SLC24A2: variants seen among roughly 807,000 people sequenced by gnomAD.
SLC24A2 encodes the protein sodium/potassium/calcium exchanger 2.
SLC24A2 carries 36 observed loss-of-function variants against 62.0 expected under a neutral mutation model. The observed-to-expected ratio is 0.58, with a 90% CI of 0.44 to 0.77. SLC24A2 has a LOEUF of 0.77. Among genes scored for constraint, SLC24A2 ranks in the 30% least tolerant of loss-of-function variants. SLC24A2 has a pLI of 0.00. For synonymous variants in SLC24A2, 358 were observed against 294.0 expected, an observed-to-expected ratio of 1.22 and a Z score of -2.23; for missense variants, 846 against 817.9, an observed-to-expected ratio of 1.03 and a Z score of -0.42.
chr9:19,807,060 A>G, the SLC24A2 span, among the ~76,000 whole-genome samples: 1 of 152,232 alleles, frequency 6.6e-6, no homozygotes, highest in Non-Finnish European at 1.5e-5. Context: ...GAGAAATGCT[A>G]ATTTTACACT....
the SLC24A2 span, among the ~76,000 whole-genome samples, chr9:20,049,270 ACT>A: frequency 6.6e-6 from 1 of 152,116 alleles, no homozygotes; most frequent in South Asian, 2.1e-4. Flanking sequence ...TCCATCAATG[ACT>A]CTATGTTTGA....
chr9:19,713,598 C>T (rs1037773599), intron 2 of SLC24A2, among the ~76,000 whole-genome samples: 1 of 136,796 alleles, frequency 7.3e-6, no homozygotes, highest in African/African-American at 2.4e-5. Context: ...AGCAAAAGAC[C>T]TTTTGATAAT....
At chr9:19,879,898 A>G in the SLC24A2 span, among the ~76,000 whole-genome samples, 3 of 152,278 alleles carry the variant, frequency 2.0e-5, no homozygotes, top group Admixed American at 2.0e-4. Context: ...TCATTTTTAA[A>G]TATAAAAATG....
chr9:19,974,773 T>G, the SLC24A2 span, among the ~76,000 whole-genome samples: 2 of 152,330 alleles, frequency 1.3e-5, no homozygotes, highest in South Asian at 4.1e-4. Flanking sequence ...ACAGAGTTAT[T>G]TAAGCACTAA....
chr9:20,240,380 T>C, the SLC24A2 span, among the ~76,000 whole-genome samples: 8 of 151,594 alleles, frequency 5.3e-5, no homozygotes, highest in African/African-American at 1.9e-4. Flanking sequence ...AAGTGCTGAG[T>C]GTTGGAGGAA....
chr9:19,555,683 A>T (rs1586950846), intron 7 of SLC24A2, among the ~76,000 whole-genome samples: 1 of 152,174 alleles, frequency 6.6e-6, no homozygotes. Flanking sequence ...GGTGGCTCAC[A>T]CCTGTAATCC....
intron 2 of SLC24A2, among the ~76,000 whole-genome samples, chr9:19,756,960 C>CAGT (rs1486866858): frequency 4.7e-5 from 6 of 126,954 alleles, no homozygotes; most frequent in African/African-American, 1.8e-4. Flanking sequence ...GCCCAGGCTG[C>CAGT]AGTAAGTGGC....
chr9:19,679,838 CTGTG>C (rs58253967), intron 2 of SLC24A2, among the ~76,000 whole-genome samples: 2,769 of 142,432 alleles, frequency 0.019, 55 homozygotes, highest in African/African-American at 0.049. Context: ...CTCACATATA[CTGTG>C]TGTGTGTGTG....
At chr9:19,897,450 A>C in the SLC24A2 span, among the ~76,000 whole-genome samples, 2 of 152,198 alleles carry the variant, frequency 1.3e-5, no homozygotes, top group Non-Finnish European at 2.9e-5. Context: ...AATTTGAGGA[A>C]GCAAACCCAG....
chr9:20,076,039 AG>A, the SLC24A2 span, among the ~76,000 whole-genome samples: 1 of 152,212 alleles, frequency 6.6e-6, no homozygotes, highest in African/African-American at 2.4e-5. Flanking sequence ...TCTATTGTTT[AG>A]GGAATAATAA....
At chr9:20,160,455 A>G in the SLC24A2 span, among the ~76,000 whole-genome samples, 4 of 151,416 alleles carry the variant, frequency 2.6e-5, no homozygotes, top group African/African-American at 7.3e-5. Context: ...AATATATGTC[A>G]AGCATTACAC....
At chr9:20,160,015 A>G in the SLC24A2 span, among the ~76,000 whole-genome samples, 1 of 151,438 alleles carries the variant, frequency 6.6e-6, no homozygotes, top group Non-Finnish European at 1.5e-5. Flanking sequence ...TGGGTTTGTA[A>G]AGCAAAATAT....
At chr9:19,652,450 C>T (rs1017215823) in intron 2 of SLC24A2, among the ~76,000 whole-genome samples, 1 of 151,780 alleles carries the variant, frequency 6.6e-6, no homozygotes, top group Admixed American at 6.6e-5. Context: ...AAGAGGGAGG[C>T]AATGGAGTTA....
At chr9:20,001,737 C>G in the SLC24A2 span, among the ~76,000 whole-genome samples, 1 of 152,188 alleles carries the variant, frequency 6.6e-6, no homozygotes, top group East Asian at 1.9e-4. Flanking sequence ...GGGCATTATA[C>G]AGACATGTCT....
the SLC24A2 span, among the ~76,000 whole-genome samples, chr9:19,884,080 C>T: frequency 6.6e-6 from 1 of 152,138 alleles, no homozygotes; most frequent in Non-Finnish European, 1.5e-5. Context: ...GGTTGATATG[C>T]CTACTTTTTG....
chr9:20,192,688 T>C, the SLC24A2 span, among the ~76,000 whole-genome samples: 1 of 152,306 alleles, frequency 6.6e-6, no homozygotes, highest in East Asian at 1.9e-4. Flanking sequence ...GACTTTTAAA[T>C]TCCTGATACG....
the SLC24A2 span, among the ~76,000 whole-genome samples, chr9:20,140,038 C>T: frequency 6.6e-6 from 1 of 152,182 alleles, no homozygotes; most frequent in Non-Finnish European, 1.5e-5. Context: ...ATGGTAGCTA[C>T]ATGTGGAAAT....
chr9:20,094,595 A>C, the SLC24A2 span, among the ~76,000 whole-genome samples: 8 of 152,204 alleles, frequency 5.3e-5, no homozygotes, highest in East Asian at 1.2e-3. Context: ...AAAAAGAAAA[A>C]TCACCGGTTA....
chr9:19,714,189 C>CGT (rs1196228464), intron 2 of SLC24A2, among the ~76,000 whole-genome samples: 2 of 152,082 alleles, frequency 1.3e-5, no homozygotes, highest in Non-Finnish European at 2.9e-5. Context: ...TGGAACTCTG[C>CGT]GTGTGTGTGT....
Sources: allele counts gnomAD v4.1 joint callset (sites outside exome capture counted in the v4.1 genomes callset), GRCh38; gene constraint gnomAD v4.1.1; transcripts MANE v1.5; gene names NCBI Gene and HGNC (gene_info 2026-07-23, HGNC 2026-07-21).